The following RIMS2 variants were observed in gnomAD, a reference collection of about 807,000 sequenced individuals.
RIMS2 encodes the protein regulating synaptic membrane exocytosis protein 2.
A neutral mutation model predicts 174.4 loss-of-function variants in RIMS2; 59 were observed. That is an observed-to-expected ratio of 0.34 (90% confidence interval 0.27 to 0.42). The LOEUF (loss-of-function observed/expected upper bound fraction) is 0.42. Ranked by LOEUF, RIMS2 falls within the 10% of genes least tolerant of loss-of-function variation. The pLI is 1.00. For synonymous variants in RIMS2, 606 were observed against 572.5 expected (o/e 1.06, Z -0.84); for missense variants, 1,620 against 1,666.3 (o/e 0.97, Z 0.48).
chr8:103,754,001 G>T (rs1236753851), intron 2 of RIMS2, among the ~76,000 whole-genome samples: 1 of 152,088 alleles, frequency 6.6e-6, no homozygotes, highest in African/African-American at 2.4e-5. Context: ...TGCTACTCTA[G>T]TTCTTTTAAT....
intron 3 of RIMS2, among the ~76,000 whole-genome samples, chr8:103,822,858 A>G (rs2098761081): frequency 6.6e-6 from 1 of 151,936 alleles, no homozygotes; most frequent in African/African-American, 2.4e-5. Context: ...TGCTTTTGTC[A>G]TTAGTAAAAA....
chr8:103,504,920 C>T (rs573031327), intron 1 of RIMS2, among the ~76,000 whole-genome samples: 6 of 139,780 alleles, frequency 4.3e-5, no homozygotes, highest in African/African-American at 8.1e-5. Context: ...GGCGAAATAA[C>T]GGCTCACTGC....
chr8:103,963,773 C>T (rs181297978), intron 15 of RIMS2, among the ~76,000 whole-genome samples: 4 of 152,270 alleles, frequency 2.6e-5, no homozygotes, highest in Admixed American at 6.5e-5. Flanking sequence ...TGGATTTGGA[C>T]AAATTGATAA....
At chr8:103,775,558 T>C (rs552490965) in intron 3 of RIMS2, among the ~76,000 whole-genome samples, 1 of 152,256 alleles carries the variant, frequency 6.6e-6, no homozygotes, top group South Asian at 2.1e-4. Context: ...CAATAAATGC[T>C]TGGTGCATAT....
chr8:103,921,548 G>A (rs1411341141), intron 9 of RIMS2, 124 bp from the exon 13 acceptor site: 2 of 584,512 alleles, frequency 3.4e-6, no homozygotes, highest in Non-Finnish European at 6.1e-6. Flanking sequence ...TCTAAGAAAT[G>A]GTCTATATAA....
intron 1 of RIMS2, among the ~76,000 whole-genome samples, chr8:103,654,489 C>T (rs1040668437): frequency 6.6e-6 from 1 of 151,900 alleles, no homozygotes; most frequent in African/African-American, 2.4e-5. Flanking sequence ...CATTCTTGCT[C>T]TGTGATTTAT....
At chr8:103,879,539 C>T (rs1290841834) in intron 3 of RIMS2, among the ~76,000 whole-genome samples, 1 of 151,206 alleles carries the variant, frequency 6.6e-6, no homozygotes, top group East Asian at 1.9e-4. Flanking sequence ...AATAATCTAC[C>T]AGTCTTTATT....
chr8:103,694,668 C>T (rs993790588), intron 1 of RIMS2, among the ~76,000 whole-genome samples: 8 of 151,908 alleles, frequency 5.3e-5, no homozygotes, highest in African/African-American at 1.9e-4. Context: ...TCCTGGGCTA[C>T]GGGGGCTGGT....
At chr8:104,023,667 A>G (rs767877523) in intron 19 of RIMS2, among the ~76,000 whole-genome samples, 6 of 152,178 alleles carry the variant, frequency 3.9e-5, no homozygotes, top group Non-Finnish European at 7.3e-5. Context: ...CATCCAAGTG[A>G]AGATGCCAAA....
chr8:103,866,280 T>C (rs1328898377), intron 3 of RIMS2, among the ~76,000 whole-genome samples: 1 of 152,146 alleles, frequency 6.6e-6, no homozygotes, highest in East Asian at 1.9e-4. Flanking sequence ...TTTATAAAGC[T>C]GACAATAACA....
intron 3 of RIMS2, among the ~76,000 whole-genome samples, chr8:103,787,844 T>G (rs955468938): frequency 6.6e-6 from 1 of 152,180 alleles, no homozygotes; most frequent in African/African-American, 2.4e-5. Context: ...GAAGTTCTCC[T>G]GGATAATATC....
chr8:103,963,508 A>T (rs967992046), intron 15 of RIMS2, among the ~76,000 whole-genome samples: 1 of 152,200 alleles, frequency 6.6e-6, no homozygotes, highest in African/African-American at 2.4e-5. Context: ...TTGAATATTA[A>T]CTATGCCAGA....
At chr8:104,081,062 G>A (rs1053450944) in intron 19 of RIMS2, among the ~76,000 whole-genome samples, 67 of 151,974 alleles carry the variant, frequency 4.4e-4, no homozygotes, top group African/African-American at 1.6e-3. Context: ...ACTTACAGTT[G>A]AACTTCATTC....
chr8:103,782,283 T>C (rs553711221), intron 3 of RIMS2, among the ~76,000 whole-genome samples: 7 of 152,136 alleles, frequency 4.6e-5, no homozygotes, highest in South Asian at 4.1e-4. Context: ...TAGCAGCATA[T>C]GTTGGAAATC....
intron 15 of RIMS2, among the ~76,000 whole-genome samples, chr8:103,974,709 T>G (rs2093259105): frequency 6.6e-6 from 1 of 152,196 alleles, no homozygotes. Context: ...AGAATTCTAC[T>G]GTATCTCAGC....
At position 104,251,583 on chromosome 8, in the gene RIMS2, C is replaced by T; in HGVS notation, c.3832-19C>T. ...ACACAGTTACACTGACATCACTCTACTTTTTATTTTGCCAACAGATCATCG... is the reference window on the plus strand; with the variant it reads ...ACACAGTTACACTGACATCACTCTATTTTTTATTTTGCCAACAGATCATCG... On this transcript the variant is annotated intron_variant, in intron 23 of 23. Transcript: ENST00000504942. 1 of 1,387,682 alleles carries T rather than the reference C, an allele frequency of 7.2e-7. No homozygotes were observed. The highest frequency in any genetic ancestry group is 1.0e-6 in the Non-Finnish European group (1 of 973,698). The allele number at this position is 1,387,682 out of a possible 1,614,324, so 86.0% of individuals were successfully genotyped here.
chr8:103,715,754 AG>A (rs1246170913), intron 2 of RIMS2, among the ~76,000 whole-genome samples: 2 of 152,174 alleles, frequency 1.3e-5, no homozygotes, highest in South Asian at 2.1e-4. Flanking sequence ...AACTTCAAAA[AG>A]ATTTTCTTTT....
chr8:103,912,143 C>T lies in RIMS2; in HGVS notation c.1783C>T (p.Arg595Ter). The T allele has an allele frequency of 1.2e-6, 2 of 1,606,518 alleles. No homozygotes were observed. The highest frequency in any genetic ancestry group is 1.7e-4 in the Middle Eastern group (1 of 6,034). The change falls in exon 6 of 24, where the codon CGA becomes TGA. Residue 595 changes from arginine (R) to a stop codon, truncating the protein, a stop_gained. Coordinates refer to ENST00000504942, the Ensembl canonical transcript of RIMS2. LOFTEE classifies it high-confidence loss of function. Reference sequence around the variant, plus strand: ...GCGTCTAAAAGATGGAAGTGTACCTCGAGATTCAGGAGCAATGCTTGGCTT... The same window carrying T: ...GCGTCTAAAAGATGGAAGTGTACCTTGAGATTCAGGAGCAATGCTTGGCTT...
At chr8:103,803,809 G>A (rs1362485254) in intron 3 of RIMS2, among the ~76,000 whole-genome samples, 2 of 152,202 alleles carry the variant, frequency 1.3e-5, no homozygotes, top group African/African-American at 2.4e-5. Flanking sequence ...TCTAGAAGCT[G>A]AGTAGTACAT....
Sources: allele counts gnomAD v4.1 joint callset (sites outside exome capture counted in the v4.1 genomes callset), GRCh38; gene constraint gnomAD v4.1.1; transcripts MANE v1.5; gene names NCBI Gene and HGNC (gene_info 2026-07-23, HGNC 2026-07-21).